The following EPHA8 variants were observed in gnomAD, a reference collection of about 807,000 sequenced individuals.
EPHA8 encodes the protein ephrin type-A receptor 8.
Under a neutral mutation model 103.6 loss-of-function variants are expected in EPHA8, and 58 were observed. The observed-to-expected ratio is 0.56, with a 90% CI of 0.45 to 0.70. The LOEUF is 0.70. Ranked by LOEUF, EPHA8 falls within the 30% of genes least tolerant of loss-of-function variation. EPHA8 has a pLI of 0.00. For missense variants in EPHA8, 1,304 were observed against 1,395.2 expected (o/e 0.93, Z 1.04); for synonymous variants, 559 against 572.5 (o/e 0.98, Z 0.34).
chr1:22,564,128 CA>C (rs1283506901), intron 1 of EPHA8, among the ~76,000 whole-genome samples: 8 of 121,190 alleles, frequency 6.6e-5, no homozygotes, highest in South Asian at 2.5e-4. Flanking sequence ...GGACAGAGGA[CA>C]GGGGGGTAGG....
chr1:22,568,994 A>G (rs61767285), intron 1 of EPHA8, among the ~76,000 whole-genome samples: 11,632 of 152,318 alleles, frequency 0.076, 546 homozygotes, highest in Non-Finnish European at 0.11. Flanking sequence ...GCCCACCTCA[A>G]CTATCCCACT....
At chr1:22,579,529 C>T (rs1557563406) in intron 3 of EPHA8, among the ~76,000 whole-genome samples, 2 of 152,160 alleles carry the variant, frequency 1.3e-5, no homozygotes, top group Non-Finnish European at 2.9e-5. Flanking sequence ...GTGGGGGAGT[C>T]TGTGCAGCCA....
chr1:22,593,121 G>A (rs911157011), intron 5 of EPHA8, among the ~76,000 whole-genome samples: 3 of 152,186 alleles, frequency 2.0e-5, no homozygotes, highest in Non-Finnish European at 2.9e-5. Context: ...GCCAGGCCAC[G>A]CCAACCCCAG....
intron 3 of EPHA8, among the ~76,000 whole-genome samples, chr1:22,584,376 A>G (rs978682602): frequency 7.9e-5 from 12 of 152,134 alleles, no homozygotes; most frequent in Non-Finnish European, 1.2e-4. Flanking sequence ...ATGTTGCAAC[A>G]ATGGTGCGTA....
intron 3 of EPHA8, among the ~76,000 whole-genome samples, chr1:22,578,100 G>T (rs1448238151): frequency 1.5e-4 from 3 of 19,866 alleles, no homozygotes; most frequent in African/African-American, 4.3e-4. Flanking sequence ...TGTAGCGTCA[G>T]TGTATGCATG....
At position 22,589,400 on chromosome 1, in the gene EPHA8, A is replaced by G; in HGVS notation, c.1315+194A>G. On this transcript the variant is annotated intron_variant, in intron 5 of 16. Coordinates refer to ENST00000166244, the MANE Select transcript of EPHA8 (RefSeq NM_020526.5). This position sits in a 1 kb window ranked among gnomAD's most constrained non-coding sequence, Gnocchi z 4.3. Reference sequence around the variant, plus strand: ...TTTAGAAAAGTGGAACACATTCTATAAGTAAGAGAAATCCCAAAAGCTCAG... The same window carrying G: ...TTTAGAAAAGTGGAACACATTCTATGAGTAAGAGAAATCCCAAAAGCTCAG... 1 of 1,489,502 alleles carries G rather than the reference A, an allele frequency of 6.7e-7. No individual in the cohort carries two copies. Among genetic ancestry groups the G allele is most frequent in the Non-Finnish European group, 8.9e-7 (1 of 1,117,692 alleles). The allele number at this position is 1,489,502 out of a possible 1,614,324, so 92.3% of individuals were successfully genotyped here.
At position 22,567,534 on chromosome 1, in the gene EPHA8, G is replaced by A. The variant is rs117047194; in HGVS notation, c.95-1755G>A. On this transcript the variant is annotated intron_variant, in intron 1 of 16. Transcript: ENST00000166244. The surrounding 1 kb of genome is among the most constrained non-coding windows in gnomAD (Gnocchi z 4.2). ...CCCAAGTGGCCCCTGGGGACCCAGGGAGGAATGCAGGGAGGAGCGCGGAGA... is the reference window on the plus strand; with the variant it reads ...CCCAAGTGGCCCCTGGGGACCCAGGAAGGAATGCAGGGAGGAGCGCGGAGA... Among the ~76,000 whole-genome samples, 95 of 152,250 alleles carry A rather than the reference G, an allele frequency of 6.2e-4. 3 individuals are homozygous for A. In the East Asian group the frequency reaches 0.016, roughly 26 times the overall value.
chr1:22,585,365 GAT>G (rs1452272794), intron 3 of EPHA8, among the ~76,000 whole-genome samples: 2 of 152,206 alleles, frequency 1.3e-5, no homozygotes, highest in African/African-American at 2.4e-5. Context: ...GACTGAGTGA[GAT>G]GTGCATTTTG....
rs1641592256 is a variant in EPHA8, at chr1:22,598,784, CG to C, written c.2179-52del. 6.4e-7 allele frequency: 1 copy of C among 1,572,232 alleles called. No individual in the cohort carries two copies. Among genetic ancestry groups the C allele is most frequent in the Non-Finnish European group, 8.7e-7 (1 of 1,151,642 alleles). On this transcript the variant is annotated intron_variant, in intron 12 of 16. Transcript: ENST00000166244. The surrounding 1 kb of genome is among the most constrained non-coding windows in gnomAD (Gnocchi z 5.1). Reference sequence around the variant, plus strand: ...TACAGATGGGAGGTGTTCCTGTTCACGGACCAGGCGCCTCGCCGGGCTTTCC... The same window carrying C: ...TACAGATGGGAGGTGTTCCTGTTCACGACCAGGCGCCTCGCCGGGCTTTCC...
intron 9 of EPHA8, among the ~76,000 whole-genome samples, chr1:22,596,443 T>C (rs988902840): frequency 1.3e-5 from 2 of 152,092 alleles, no homozygotes; most frequent in Non-Finnish European, 2.9e-5. Context: ...GGAGTGCATA[T>C]ACTCTTGGAC....
chr1:22,593,042 C>T lies in EPHA8; in HGVS notation c.1316-284C>T, dbSNP rs113220251. Among the ~76,000 whole-genome samples, 337 of 152,320 alleles carry T rather than the reference C, an allele frequency of 2.2e-3. 1 individual carries two copies. The highest frequency in any genetic ancestry group is 7.6e-3 in the African/African-American group (314 of 41,566). ...GCACTCCCAAGCAGCTGGTCCATGCCGGGCCCTGGGCTGGGGAGGGAGGCT... is the reference window on the plus strand; with the variant it reads ...GCACTCCCAAGCAGCTGGTCCATGCTGGGCCCTGGGCTGGGGAGGGAGGCT... On this transcript the variant is annotated intron_variant, in intron 5 of 16. Transcript: ENST00000166244.
intron 7 of EPHA8, 49 bp downstream of exon 7, chr1:22,593,735 C>T (rs1420298379): frequency 2.0e-6 from 3 of 1,483,656 alleles, no homozygotes; most frequent in South Asian, 2.7e-5. Flanking sequence ...GGTGCCAGGA[C>T]CCTGGGGTCG....
At chr1:22,588,442 G>A (rs1373588450) in intron 4 of EPHA8, among the ~76,000 whole-genome samples, 4 of 152,188 alleles carry the variant, frequency 2.6e-5, no homozygotes, top group Admixed American at 1.3e-4. Context: ...TCCACAGTGC[G>A]TGCTCAGTGG....
At chr1:22,571,360 A>G (rs574070412) in intron 2 of EPHA8, among the ~76,000 whole-genome samples, 66 of 152,162 alleles carry the variant, frequency 4.3e-4, no homozygotes, top group Non-Finnish European at 8.5e-4. Flanking sequence ...CACACTTCAC[A>G]GGTGAGGAAG....
intron 3 of EPHA8, among the ~76,000 whole-genome samples, chr1:22,580,879 C>G (rs1641025586): frequency 6.6e-6 from 1 of 152,198 alleles, no homozygotes; most frequent in Non-Finnish European, 1.5e-5. Flanking sequence ...TTTAGCGTCT[C>G]CCTAGCCTGC....
chr1:22,571,950 T>C (rs1640554627), intron 2 of EPHA8, among the ~76,000 whole-genome samples: 1 of 152,088 alleles, frequency 6.6e-6, no homozygotes, highest in South Asian at 2.1e-4. Flanking sequence ...GGTAGGAGGA[T>C]CGCTTGAGCC....
intron 13 of EPHA8, 151 bp from the exon 14 acceptor site, chr1:22,600,509 TC>T: frequency 8.5e-6 from 9 of 1,055,080 alleles, no homozygotes; most frequent in Non-Finnish European, 1.2e-5. Flanking sequence ...TTGTGAGGCC[TC>T]CCTCAGGACA....
In EPHA8 at chr1:22,589,092, A is replaced by C; in HGVS notation, c.1201A>C (p.Asn401His). Residue 401 changes from asparagine to histidine, a missense_variant, in exon 5 of 17, where the codon AAC (asparagine) becomes CAC (histidine). Coordinates refer to ENST00000166244, the MANE Select transcript of EPHA8 (RefSeq NM_020526.5). This position sits in a 1 kb window ranked among gnomAD's most constrained non-coding sequence, Gnocchi z 4.3. ...GGTGCAGGCCAGCCTGCTGGTGGCC[A>C]ACCTGCTGGCCCACATGAACTACTC... The part of the protein sequence containing the change: ...SLVQASLLVA[N>H]LLAHMNYSFW... 1 of 1,613,640 alleles carries C rather than the reference A, an allele frequency of 6.2e-7. No homozygotes were observed. The highest frequency in any genetic ancestry group is 8.5e-7 in the Non-Finnish European group (1 of 1,179,866).
intron 3 of EPHA8, among the ~76,000 whole-genome samples, chr1:22,577,888 AGTGTGTGCAT>A (rs937666016): frequency 2.9e-5 from 2 of 69,350 alleles, no homozygotes; most frequent in Non-Finnish European, 5.7e-5. Context: ...TGTGTTCATG[AGTGTGTGCAT>A]GTGTGTGTAT....
Sources: gnomAD v4.1 joint callset for allele counts (sites outside exome capture counted in the v4.1 genomes callset) on GRCh38, gnomAD v4.1.1 for gene constraint, Gnocchi (gnomAD v3.1) non-coding constraint, MANE v1.5 for transcripts, NCBI Gene and HGNC (gene_info 2026-07-23, HGNC 2026-07-21) for gene names.